The following C11orf54 variants were observed in gnomAD, a reference collection of about 807,000 sequenced individuals.
The protein encoded by C11orf54 is beta-keto L-gulonate decarboxylase.
Under a neutral mutation model 35.5 loss-of-function variants are expected in C11orf54, and 29 were observed. The ratio of observed to expected loss-of-function variants is 0.82; its 90% CI spans 0.61 to 1.11. C11orf54 has a LOEUF of 1.11. Ranked by LOEUF, C11orf54 falls within the 50% of genes most tolerant of loss-of-function variation. The pLI is 0.00. For missense variants in C11orf54, 373 were observed against 369.2 expected, an observed-to-expected ratio of 1.01 and a Z score of -0.08; for synonymous variants, 108 against 121.1, an observed-to-expected ratio of 0.89 and a Z score of 0.71.
At chr11:93,759,037 A>G (rs640382) in intron 7 of C11orf54, among the ~76,000 whole-genome samples, 5 of 152,054 alleles carry the variant, frequency 3.3e-5, no homozygotes, top group African/African-American at 1.2e-4. Flanking sequence ...GTGGAAAAAT[A>G]GGAATGCTTT....
At chr11:93,756,152 G>A (rs1252045187) in intron 6 of C11orf54, among the ~76,000 whole-genome samples, 7 of 41,960 alleles carry the variant, frequency 1.7e-4, no homozygotes, top group African/African-American at 3.9e-4. Context: ...GGGCAACAAA[G>A]CAAGACTCTG....
In C11orf54 at chr11:93,757,528, T is replaced by C. The variant is rs1943219297; in HGVS notation, c.657+63T>C. ...TGTGTGTGTGCACTTACTTAAGATCTTAGGATTTTTTTTTTTTTTTAAACG... is the reference window on the plus strand; with the variant it reads ...TGTGTGTGTGCACTTACTTAAGATCCTAGGATTTTTTTTTTTTTTTAAACG... On this transcript the variant is annotated intron_variant, in intron 7 of 8. Transcript: ENST00000354421. 3 of 1,491,094 alleles carry C rather than the reference T, an allele frequency of 2.0e-6. No individual in the cohort carries two copies. The Admixed American group carries it at 6.4e-5, about 32-fold the overall frequency. 92.4% of individuals were successfully genotyped at this position (1,491,094 alleles called of 1,614,324 possible).
intron 3 of C11orf54, among the ~76,000 whole-genome samples, chr11:93,751,744 C>T (rs1165129292): frequency 3.3e-5 from 5 of 150,202 alleles, no homozygotes; most frequent in Admixed American, 6.7e-5. Context: ...ATTTCCCCTG[C>T]TAATTAAGTA....
chr11:93,753,688 G>C lies in C11orf54; in HGVS notation c.161G>C (p.Cys54Ser), dbSNP rs1942966494. Residue 54 changes from cysteine (C) to serine (S), a missense_variant, in exon 4 of 9, where the codon TGT becomes TCT. By Grantham distance (112) the Cys-to-Ser change is moderately radical. Transcript: ENST00000354421. ...TTTTTTGGTTTTTTCTTAGGCATCTGTGGGAAAACTAGAATTGCAGAAGTT... is the reference window on the plus strand; with the variant it reads ...TTTTTTGGTTTTTTCTTAGGCATCTCTGGGAAAACTAGAATTGCAGAAGTT... ...EPFTFPVKGICGKTRIAEVGG... is the reference protein window; with the variant it reads ...EPFTFPVKGISGKTRIAEVGG... 2 of 1,613,692 alleles carry C rather than the reference G, an allele frequency of 1.2e-6. No individual in the cohort carries two copies. The highest frequency in any genetic ancestry group is 2.2e-5 in the South Asian group (2 of 91,044).
chr11:93,745,047 A>T (rs1017541258), intron 1 of C11orf54, among the ~76,000 whole-genome samples: 1 of 152,214 alleles, frequency 6.6e-6, no homozygotes, highest in African/African-American at 2.4e-5. Flanking sequence ...TTACCCAAAC[A>T]TCTCAGTGTA....
At chr11:93,742,570 T>C (rs1942167689) in intron 1 of C11orf54, 1 of 152,192 alleles carries the variant, frequency 6.6e-6, no homozygotes, top group Admixed American at 6.5e-5. Context: ...AGGAATGAAC[T>C]GGTTTGATTT....
At chr11:93,743,531 C>G (rs553750633) in intron 1 of C11orf54, among the ~76,000 whole-genome samples, 24 of 152,280 alleles carry the variant, frequency 1.6e-4, no homozygotes, top group Admixed American at 2.0e-4. Flanking sequence ...AGGCCTGCTG[C>G]GCTCCACCCT....
intron 7 of C11orf54, among the ~76,000 whole-genome samples, 168 bp downstream of exon 7, chr11:93,757,633 G>GGAAC (rs1943224763): frequency 6.6e-6 from 1 of 152,072 alleles, no homozygotes; most frequent in Admixed American, 6.6e-5. Context: ...GGATTCAAGG[G>GGAAC]GTTCTCCTGC....
At chr11:93,748,083 C>T (rs752583765) in intron 2 of C11orf54, among the ~76,000 whole-genome samples, 3 of 152,144 alleles carry the variant, frequency 2.0e-5, no homozygotes, top group Non-Finnish European at 2.9e-5. Flanking sequence ...AACTATAGAA[C>T]CTTCGCTTGT....
At chr11:93,758,097 G>A (rs1487406734) in intron 7 of C11orf54, among the ~76,000 whole-genome samples, 2 of 152,182 alleles carry the variant, frequency 1.3e-5, no homozygotes, top group Non-Finnish European at 2.9e-5. Context: ...ACCGCTGGAG[G>A]CCAGGAATTC....
At chr11:93,754,166 T>C (rs1591353997) in intron 5 of C11orf54, 129 bp downstream of exon 5, 2 of 737,502 alleles carry the variant, frequency 2.7e-6, no homozygotes, top group Non-Finnish European at 4.6e-6. Context: ...TACTACTTGA[T>C]GTAGATTTCT....
In C11orf54 at chr11:93,763,761, G is replaced by GA. The variant is rs947449063; in HGVS notation, c.*2083dup. The GA allele has an allele frequency of 2.7e-4, 39 of 147,124 alleles. No individual in the cohort carries two copies. The highest frequency in any genetic ancestry group is 1.2e-3 in the East Asian group (6 of 5,050). 9.1% of individuals were successfully genotyped at this position (147,124 alleles called of 1,614,324 possible). A position where few individuals can be genotyped will look rare whatever the true frequency, so the allele number is the denominator to read the frequency against. On this transcript the variant is annotated 3_prime_UTR_variant, in exon 9 of 9. Transcript: ENST00000354421. ...ACACAGTGAGACCCTGTCTCAAAAA[G>GA]AAAAAAAAAATGACTGATGAAGCCA...
intron 6 of C11orf54, among the ~76,000 whole-genome samples, chr11:93,756,999 G>A (rs1017362826): frequency 6.6e-6 from 1 of 152,034 alleles, no homozygotes; most frequent in Non-Finnish European, 1.5e-5. Context: ...CTCAATCTTT[G>A]ACTGCCTCGA....
At position 93,753,261 on chromosome 11, in the gene C11orf54, G is replaced by C. The variant is rs541020890; in HGVS notation, c.155-421G>C. ...CAAAGTGCTGGGATTGCAGGCGTGA[G>C]CCACCATCTGAGAATTTACATTGTA... On this transcript the variant is annotated intron_variant, in intron 3 of 8. Transcript: ENST00000354421. Among the ~76,000 whole-genome samples the C allele has an allele frequency of 5.9e-5, 9 of 152,292 alleles. No individual in the cohort carries two copies. In the South Asian group the frequency reaches 1.0e-3, roughly 18 times the overall value.
chr11:93,747,321 C>A lies in C11orf54; in HGVS notation c.-73C>A. The A allele has an allele frequency of 8.7e-7, 1 of 1,149,306 alleles. No individual in the cohort carries two copies. The highest frequency in any genetic ancestry group is 1.2e-6 in the Non-Finnish European group (1 of 809,040). 71.2% of individuals were successfully genotyped at this position (1,149,306 alleles called of 1,614,324 possible). A position where few individuals can be genotyped will look rare whatever the true frequency, so the allele number is the denominator to read the frequency against. The stretch of plus-strand genomic sequence containing the variant: ...GAACAGAAACTGTTCATACTTGGTG[C>A]GCTGTGGACTCTTGTGATAATTAAC... On this transcript the variant is annotated 5_prime_UTR_variant, in exon 2 of 9. Coordinates refer to ENST00000354421, the MANE Select transcript of C11orf54 (RefSeq NM_001286069.2).
At position 93,747,300 on chromosome 11, in the gene C11orf54, A is replaced by G; in HGVS notation, c.-94A>G. 1 of 927,616 alleles carries G rather than the reference A, an allele frequency of 1.1e-6. No homozygotes were observed. The highest frequency in any genetic ancestry group is 1.7e-5 in the African/African-American group (1 of 58,276). 57.5% of individuals were successfully genotyped at this position (927,616 alleles called of 1,614,324 possible). A position where few individuals can be genotyped will look rare whatever the true frequency, so the allele number is the denominator to read the frequency against. Reference sequence around the variant, plus strand: ...AATGCTCAATGTTCATTTCCAGAACAGAAACTGTTCATACTTGGTGCGCTG... The same window carrying G: ...AATGCTCAATGTTCATTTCCAGAACGGAAACTGTTCATACTTGGTGCGCTG... On this transcript the variant is annotated 5_prime_UTR_variant, in exon 2 of 9. Transcript: ENST00000354421.
intron 8 of C11orf54, among the ~76,000 whole-genome samples, chr11:93,761,228 TGTACAAAA>T (rs1943451304): frequency 6.6e-6 from 1 of 152,114 alleles, no homozygotes; most frequent in Non-Finnish European, 1.5e-5. Context: ...CAGAAAAGTG[TGTACAAAA>T]TACTACATTT....
At chr11:93,742,989 T>C (rs1591322669) in intron 1 of C11orf54, 1 of 152,174 alleles carries the variant, frequency 6.6e-6, no homozygotes, top group East Asian at 1.9e-4. Context: ...TTTCATTTTG[T>C]ATTTTTTCTT....
At chr11:93,753,131 C>T (rs1299591581) in intron 3 of C11orf54, among the ~76,000 whole-genome samples, 6 of 151,924 alleles carry the variant, frequency 3.9e-5, no homozygotes, top group South Asian at 2.1e-4. Context: ...TATAGGCTCC[C>T]GCCACCATGC....
Sources: gnomAD v4.1 joint callset for allele counts (sites outside exome capture counted in the v4.1 genomes callset) on GRCh38, gnomAD v4.1.1 for gene constraint, MANE v1.5 for transcripts, NCBI Gene and HGNC (gene_info 2026-07-23, HGNC 2026-07-21) for gene names.